GIMAP8: variants seen among roughly 807,000 people sequenced by gnomAD.
The protein encoded by GIMAP8 is GTPase IMAP family member 8.
GIMAP8 carries 29 observed loss-of-function variants against 35.6 expected under a neutral mutation model. The ratio of observed to expected loss-of-function variants is 0.81; its 90% CI spans 0.61 to 1.11. The LOEUF is 1.11. Among genes scored for constraint, GIMAP8 ranks in the 50% most tolerant of loss-of-function variants. The pLI, the probability that GIMAP8 is intolerant of heterozygous loss-of-function variation, is 0.00. For missense variants in GIMAP8, 811 were observed against 805.0 expected (o/e 1.01, Z -0.09); for synonymous variants, 335 against 308.7 (o/e 1.09, Z -0.89).
rs1801864216 is a variant in GIMAP8 at position 150,462,598 on chromosome 7, G to C, written c.-28-4073G>C. 2.0e-5 allele frequency among the ~76,000 whole-genome samples: 3 copies of C among 152,128 alleles called. No homozygotes were observed. In the South Asian group the frequency reaches 6.2e-4, roughly 32 times the overall value. On this transcript the variant is annotated intron_variant, in intron 1 of 4. Coordinates refer to ENST00000307271, the MANE Select transcript of GIMAP8 (RefSeq NM_175571.4). ...ATTTCTTCCTCATTTCTGAAGGATAGTGTTGCTGTGTATAGTATTCTTGGC... is the reference window on the plus strand; with the variant it reads ...ATTTCTTCCTCATTTCTGAAGGATACTGTTGCTGTGTATAGTATTCTTGGC...
In GIMAP8 at chr7:150,478,118, G is replaced by A. The variant is rs1032703478; in HGVS notation, c.*338G>A. 1 of 288,682 alleles carries A rather than the reference G, an allele frequency of 3.5e-6. No homozygotes were observed. Among genetic ancestry groups the A allele is most frequent in the Non-Finnish European group, 6.5e-6 (1 of 153,926 alleles). The allele number at this position is 288,682 out of a possible 1,614,324, so 17.9% of individuals were successfully genotyped here. ...AATCAGGATAGACACTGTGATCAAG[G>A]CTGAGGCCACCTGGGATGAGAATAT... On this transcript the variant is annotated 3_prime_UTR_variant, in exon 5 of 5. Transcript: ENST00000307271.
Position 150,474,337 on chromosome 7 carries a change from C to T in GIMAP8, c.1008C>T (p.Tyr336=), listed in dbSNP as rs1389954022. ...AFLLVTPLGF[Y]TKNDEAVLST... ...TGCTGGTGACACCACTGGGCTTTTA[C>T]ACTAAGAATGATGAGGCAGTGCTGA... is the stretch of plus-strand genomic sequence containing the variant. The change falls in exon 4 of 5, where the codon TAC becomes TAT. Residue 336 remains tyrosine, a synonymous_variant. Transcript: ENST00000307271. The T allele has an allele frequency of 3.1e-6, 5 of 1,614,176 alleles. No individual in the cohort carries two copies. Among genetic ancestry groups the T allele is most frequent in the Admixed American group, 1.7e-5 (1 of 60,018 alleles).
chr7:150,458,607 C>T (rs762935941), intron 1 of GIMAP8, among the ~76,000 whole-genome samples: 1 of 152,170 alleles, frequency 6.6e-6, no homozygotes, highest in Non-Finnish European at 1.5e-5. Context: ...AATCCATACA[C>T]TTCTCCATAA....
At chr7:150,473,914 T>C in intron 3 of GIMAP8, 98 bp from the exon 4 acceptor site, 1 of 1,274,574 alleles carries the variant, frequency 7.8e-7, no homozygotes, top group South Asian at 1.5e-5. Flanking sequence ...TTGTTGCCAT[T>C]CTCTATACAA....
Position 150,478,114 on chromosome 7 carries a change from C to T in GIMAP8, c.*334C>T. ...TTGGAATCAGGATAGACACTGTGATCAAGGCTGAGGCCACCTGGGATGAGA... is the reference window on the plus strand; with the variant it reads ...TTGGAATCAGGATAGACACTGTGATTAAGGCTGAGGCCACCTGGGATGAGA... On this transcript the variant is annotated 3_prime_UTR_variant, in exon 5 of 5. Coordinates refer to ENST00000307271, the MANE Select transcript of GIMAP8 (RefSeq NM_175571.4). The T allele has an allele frequency of 3.3e-6, 1 of 302,162 alleles. No homozygotes were observed. Among genetic ancestry groups the T allele is most frequent in the Non-Finnish European group, 6.2e-6 (1 of 162,256 alleles). 18.7% of individuals were successfully genotyped at this position (302,162 alleles called of 1,614,324 possible). A position where few individuals can be genotyped will look rare whatever the true frequency, so the allele number is the denominator to read the frequency against.
intron 1 of GIMAP8, among the ~76,000 whole-genome samples, chr7:150,452,261 G>C (rs1233830200): frequency 6.6e-6 from 1 of 152,144 alleles, no homozygotes; most frequent in East Asian, 1.9e-4. Context: ...ATGTTGGGGT[G>C]AAGTGCTACT....
At position 150,466,833 on chromosome 7, in the gene GIMAP8, GA is replaced by G; in HGVS notation, c.136del (p.Ile46SerfsTer11). 6.2e-7 allele frequency: 1 copy of G among 1,614,252 alleles called. No individual in the cohort carries two copies. ...FKSKFSDQTV[I>X]KMCQRESWVL... ...AGTCCAAGTTCAGTGATCAGACAGT[GA>G]TCAAAATGTGCCAGAGAGAGAGTTG... On this transcript the variant is annotated frameshift_variant, in exon 2 of 5. Transcript: ENST00000307271. LOFTEE classifies it high-confidence loss of function.
chr7:150,458,222 A>T (rs1483448440), intron 1 of GIMAP8, among the ~76,000 whole-genome samples: 4 of 152,086 alleles, frequency 2.6e-5, no homozygotes, highest in Non-Finnish European at 5.9e-5. Flanking sequence ...TGAGACCAAA[A>T]TCTGATAGGG....
chr7:150,455,929 G>A (rs966650965), intron 1 of GIMAP8, among the ~76,000 whole-genome samples: 21 of 152,162 alleles, frequency 1.4e-4, no homozygotes, highest in African/African-American at 4.3e-4. Context: ...TCTGCTTGGT[G>A]GCACAGGTTG....
At chr7:150,462,024 G>C (rs1194581612) in intron 1 of GIMAP8, among the ~76,000 whole-genome samples, 2 of 152,220 alleles carry the variant, frequency 1.3e-5, no homozygotes, top group Non-Finnish European at 2.9e-5. Context: ...GTGGAGTTAG[G>C]AGCAGTGTTT....
intron 1 of GIMAP8, among the ~76,000 whole-genome samples, chr7:150,456,921 CAG>C (rs1475466333): frequency 2.0e-5 from 3 of 152,160 alleles, no homozygotes; most frequent in Non-Finnish European, 2.9e-5. Context: ...ATGATAAAAA[CAG>C]AATTTTTAAA....
chr7:150,472,314 T>C lies in GIMAP8; in HGVS notation c.682+1440T>C, dbSNP rs770035449. On this transcript the variant is annotated intron_variant, in intron 3 of 4. Transcript: ENST00000307271. This position sits in a 1 kb window ranked among gnomAD's most constrained non-coding sequence, Gnocchi z 4.1. ...GTAGTTCCACAATGAAGTGTTTGAA[T>C]AATTCTTCTGTCCAAGGTGACAAGG... is the stretch of plus-strand genomic sequence containing the variant. Among the ~76,000 whole-genome samples, 6 of 152,196 alleles carry C rather than the reference T, an allele frequency of 3.9e-5. No homozygotes were observed. Among genetic ancestry groups the C allele is most frequent in the Non-Finnish European group, 7.3e-5 (5 of 68,036 alleles).
intron 3 of GIMAP8, 128 bp from the exon 4 acceptor site, chr7:150,473,884 A>G: frequency 1.1e-6 from 1 of 918,118 alleles, no homozygotes; most frequent in Non-Finnish European, 1.7e-6. Flanking sequence ...CTGAGAGTAG[A>G]GTTCTACTGG....
chr7:150,470,548 T>C (rs1802064783), intron 2 of GIMAP8, among the ~76,000 whole-genome samples: 1 of 152,078 alleles, frequency 6.6e-6, no homozygotes, highest in Admixed American at 6.5e-5. Flanking sequence ...ATAAGCTTCC[T>C]TTCCATACTG....
rs1802259047 is a variant in GIMAP8 at position 150,477,402 on chromosome 7, G to C, written c.1620G>C (p.Glu540Asp). ...LVFQLGRFTE[E>D]DKTAVAKLEA... ...TCCAGCTGGGACGATTCACTGAAGA[G>C]GACAAAACAGCTGTGGCGAAACTGG... Residue 540 changes from glutamate (E) to aspartate (D), a missense_variant, in exon 5 of 5, where the codon GAG becomes GAC. By Grantham distance (45) the Glu-to-Asp change is conservative (BLOSUM62 2). Transcript: ENST00000307271. 3 of 1,614,008 alleles carry C rather than the reference G, an allele frequency of 1.9e-6. No homozygotes were observed. The highest frequency in any genetic ancestry group is 1.1e-5 in the South Asian group (1 of 91,088).
rs892830318 is a variant in GIMAP8 at position 150,455,151 on chromosome 7, A to C, written c.-29+3976A>C. On this transcript the variant is annotated intron_variant, in intron 1 of 4. Coordinates refer to ENST00000307271, the MANE Select transcript of GIMAP8 (RefSeq NM_175571.4). The stretch of plus-strand genomic sequence containing the variant: ...GAAATTCCATCTCAAAAAAAAAAAA[A>C]AAAACCAAAAAACAAAAAACTGGTC... Among the ~76,000 whole-genome samples the C allele has an allele frequency of 1.3e-3, 192 of 151,796 alleles. 1 individual carries two copies. Among genetic ancestry groups the C allele is most frequent in the African/African-American group, 4.3e-3 (178 of 41,506 alleles).
At chr7:150,452,709 T>TATATATACACAC (rs1373884339) in intron 1 of GIMAP8, among the ~76,000 whole-genome samples, 38 of 106,626 alleles carry the variant, frequency 3.6e-4, no homozygotes, top group South Asian at 6.3e-4. Flanking sequence ...TATATATATA[T>TATATATACACAC]ACATGCGAGT....
intron 2 of GIMAP8, among the ~76,000 whole-genome samples, chr7:150,468,382 T>G (rs1802019105): frequency 6.6e-6 from 1 of 152,136 alleles, no homozygotes; most frequent in South Asian, 2.1e-4. Flanking sequence ...CTGGAGTGGC[T>G]GATGCATAAG....
chr7:150,477,567 G>GCGGC lies in GIMAP8; in HGVS notation c.1786_1789dup (p.Arg597ProfsTer7). 6 of 1,614,138 alleles carry GCGGC rather than the reference G, an allele frequency of 3.7e-6. No homozygotes were observed. Among genetic ancestry groups the GCGGC allele is most frequent in the Non-Finnish European group, 5.1e-6 (6 of 1,180,018 alleles). On this transcript the variant is annotated frameshift_variant, in exon 5 of 5. Transcript: ENST00000307271. LOFTEE classifies it low-confidence loss of function (END_TRUNC). ...TTCGGCGCATTTTTAAAAAGTGTGG[G>GCGGC]CGGCGAGTTTGTGCTTTTAACAACA...
Sources: allele counts gnomAD v4.1 joint callset (sites outside exome capture counted in the v4.1 genomes callset), GRCh38; gene constraint gnomAD v4.1.1; non-coding constraint Gnocchi (gnomAD v3.1); transcripts MANE v1.5; gene names NCBI Gene and HGNC (gene_info 2026-07-23, HGNC 2026-07-21).